The following MYT1L variants were observed in gnomAD, a reference collection of about 807,000 sequenced individuals.
The protein encoded by MYT1L is myelin transcription factor 1 like, also known as myelin transcription factor 1-like protein.
A neutral mutation model predicts 126.7 loss-of-function variants in MYT1L; 12 were observed. The ratio of observed to expected loss-of-function variants is 0.09; its 90% confidence interval spans 0.06 to 0.15. The LOEUF is 0.15. Ranked by LOEUF, MYT1L falls within the 10% of genes least tolerant of loss-of-function variation. The pLI is 1.00. For synonymous variants in MYT1L, 541 were observed against 604.2 expected, an observed-to-expected ratio of 0.90 and a Z score of 1.53; for missense variants, 979 against 1,585.2, an observed-to-expected ratio of 0.62 and a Z score of 6.49.
intron 4 of MYT1L, among the ~76,000 whole-genome samples, chr2:1,998,971 C>G (rs1263503225): frequency 6.6e-6 from 1 of 152,170 alleles, no homozygotes; most frequent in Non-Finnish European, 1.5e-5. Context: ...CAGACATGCT[C>G]TACATGTGAC....
chr2:1,979,432 C>T lies in MYT1L; in HGVS notation c.89+89G>A, dbSNP rs1219216923. On this transcript the variant is annotated intron_variant, in intron 7 of 24. Transcript: ENST00000647738. The surrounding 1 kb of genome is among the most constrained non-coding windows in gnomAD (Gnocchi z 4.0). ...GTGCAGCAGGGCGTGAGCAAGCTGC[C>T]GATGAGCTGGAAGGTGCAGTGTGCC... is the stretch of plus-strand genomic sequence containing the variant. 17 of 1,337,694 alleles carry T rather than the reference C, an allele frequency of 1.3e-5. No individual in the cohort carries two copies. The highest frequency in any genetic ancestry group is 4.3e-5 in the African/African-American group (3 of 69,132). The allele number at this position is 1,337,694 out of a possible 1,614,324, so 82.9% of individuals were successfully genotyped here. A position where few individuals can be genotyped will look rare whatever the true frequency, so the allele number is the denominator to read the frequency against.
intron 2 of MYT1L, among the ~76,000 whole-genome samples, chr2:2,198,524 C>T (rs2092922171): frequency 6.6e-6 from 1 of 152,138 alleles, no homozygotes; most frequent in East Asian, 1.9e-4. Flanking sequence ...ACACATCACA[C>T]TGTATTCCAT....
At chr2:2,071,364 T>G (rs377335822) in intron 3 of MYT1L, among the ~76,000 whole-genome samples, 1 of 152,218 alleles carries the variant, frequency 6.6e-6, no homozygotes. Flanking sequence ...AATATTTGTG[T>G]GTTCTACTAC....
At chr2:1,855,095 A>G (rs2043745804) in intron 18 of MYT1L, among the ~76,000 whole-genome samples, 1 of 152,202 alleles carries the variant, frequency 6.6e-6, no homozygotes, top group South Asian at 2.1e-4. Flanking sequence ...TTACTGTTCA[A>G]GAATTTAAGG....
At chr2:2,321,900 A>T (rs369724257) in intron 1 of MYT1L, among the ~76,000 whole-genome samples, 2 of 152,158 alleles carry the variant, frequency 1.3e-5, no homozygotes, top group African/African-American at 4.8e-5. Flanking sequence ...ATTGAGTCCT[A>T]AAGTTCTTTC....
intron 1 of MYT1L, among the ~76,000 whole-genome samples, chr2:2,322,434 A>T (rs138259846): frequency 1.5e-3 from 230 of 152,274 alleles, no homozygotes; most frequent in African/African-American, 5.1e-3. Flanking sequence ...TTCCCTTAGA[A>T]ATCACCTTTT....
intron 3 of MYT1L, among the ~76,000 whole-genome samples, chr2:2,124,277 T>G (rs1424205608): frequency 1.1e-4 from 16 of 152,186 alleles, no homozygotes. Flanking sequence ...TAGGCGAATA[T>G]TACAATAAAA....
Position 1,943,281 on chromosome 2 carries a change from TG to T in MYT1L, c.205del (p.Gln69ArgfsTer12). On this transcript the variant is annotated frameshift_variant, in exon 9 of 25. Transcript: ENST00000647738. LOFTEE classifies it high-confidence loss of function. This position sits in a 1 kb window ranked among gnomAD's most constrained non-coding sequence, Gnocchi z 4.4. ...KKRKTQDKQP[Q>X]EPAPKRKPFA... Reference sequence around the variant, plus strand: ...TGGCTTTCGTTTAGGAGCAGGTTCCTGGGGCTGTTTATCTTGTGTTTTTCTT... The same window carrying T: ...TGGCTTTCGTTTAGGAGCAGGTTCCTGGGCTGTTTATCTTGTGTTTTTCTT... 6.4e-7 allele frequency: 1 copy of T among 1,566,848 alleles called. No individual in the cohort carries two copies. Among genetic ancestry groups the T allele is most frequent in the Admixed American group, 1.9e-5 (1 of 52,624 alleles).
rs554836222 is a variant in MYT1L, at chr2:1,929,081, G to A, written c.506-5818C>T. On this transcript the variant is annotated intron_variant, in intron 9 of 24. Coordinates refer to ENST00000647738, the MANE Select transcript of MYT1L (RefSeq NM_001303052.2). This position sits in a 1 kb window ranked among gnomAD's most constrained non-coding sequence, Gnocchi z 4.7. ...GCTACTCCCCTGGCCAGGACCAGGC[G>A]GAGAAGCGTGAGTTCATTTCCCTCT... 2.6e-5 allele frequency among the ~76,000 whole-genome samples: 4 copies of A among 152,116 alleles called. No individual in the cohort carries two copies. The highest frequency in any genetic ancestry group is 5.9e-5 in the Non-Finnish European group (4 of 68,010).
At chr2:1,891,878 G>GTTGT (rs2048925386) in intron 15 of MYT1L, among the ~76,000 whole-genome samples, 159 bp downstream of exon 15, 1 of 152,154 alleles carries the variant, frequency 6.6e-6, no homozygotes, top group African/African-American at 2.4e-5. Flanking sequence ...CTGCGTTAAG[G>GTTGT]GAAGCTGCAC....
At chr2:1,933,036 G>A (rs1310705828) in intron 9 of MYT1L, among the ~76,000 whole-genome samples, 1 of 152,058 alleles carries the variant, frequency 6.6e-6, no homozygotes, top group Non-Finnish European at 1.5e-5. Context: ...GCTCACGGAG[G>A]ACCTCTGAGT....
chr2:2,090,533 C>T (rs532412575), intron 3 of MYT1L, among the ~76,000 whole-genome samples: 5 of 152,282 alleles, frequency 3.3e-5, no homozygotes, highest in East Asian at 1.9e-4. Context: ...GCCTCAATGT[C>T]GATGGCTGCT....
At chr2:1,851,820 G>A in intron 18 of MYT1L, 117 bp from the exon 19 acceptor site, 1 of 973,338 alleles carries the variant, frequency 1.0e-6, no homozygotes, top group Non-Finnish European at 1.6e-6. Flanking sequence ...CTACTTGAAA[G>A]AGGCTGAGTG....
chr2:1,939,397 T>A (rs1431402302), intron 9 of MYT1L, among the ~76,000 whole-genome samples: 1 of 152,102 alleles, frequency 6.6e-6, no homozygotes, highest in Non-Finnish European at 1.5e-5. Context: ...ACCCCCCAGC[T>A]TTTAGGGAGT....
intron 4 of MYT1L, among the ~76,000 whole-genome samples, chr2:2,042,599 T>C (rs1323335920): frequency 6.6e-6 from 1 of 152,152 alleles, no homozygotes; most frequent in Non-Finnish European, 1.5e-5. Context: ...TTTCTTGTTA[T>C]GTTGTTATCA....
intron 2 of MYT1L, among the ~76,000 whole-genome samples, chr2:2,214,271 ATCT>A (rs2093615498): frequency 6.6e-6 from 1 of 151,218 alleles, no homozygotes; most frequent in Non-Finnish European, 1.5e-5. Context: ...CTATCTATCT[ATCT>A]ATCTATCTAT....
chr2:2,158,650 C>T (rs1037846355), intron 3 of MYT1L, among the ~76,000 whole-genome samples: 8 of 149,598 alleles, frequency 5.3e-5, no homozygotes, highest in East Asian at 3.9e-4. Context: ...CACACACACG[C>T]GTAGGTGGAC....
intron 2 of MYT1L, among the ~76,000 whole-genome samples, chr2:2,183,191 C>T (rs776194658): frequency 1.2e-4 from 19 of 152,134 alleles, no homozygotes; most frequent in Admixed American, 5.2e-4. Context: ...CAGGACCCAG[C>T]GAACCTCCTG....
In MYT1L at chr2:1,912,524, C is replaced by T. The variant is rs2052182360; in HGVS notation, c.1619-414G>A. Among the ~76,000 whole-genome samples, 1 of 152,120 alleles carries T rather than the reference C, an allele frequency of 6.6e-6. No homozygotes were observed. Among genetic ancestry groups the T allele is most frequent in the East Asian group, 1.9e-4 (1 of 5,182 alleles). ...TGCACAAGCATGGAGTATTGATTAG[C>T]CATAGAACAACACAGAGGCTGGGGA... On this transcript the variant is annotated intron_variant, in intron 11 of 24. Transcript: ENST00000647738. This position sits in a 1 kb window ranked among gnomAD's most constrained non-coding sequence, Gnocchi z 4.3.
Sources: allele counts gnomAD v4.1 joint callset (sites outside exome capture counted in the v4.1 genomes callset), GRCh38; gene constraint gnomAD v4.1.1; non-coding constraint Gnocchi (gnomAD v3.1); transcripts MANE v1.5; gene names NCBI Gene and HGNC (gene_info 2026-07-23, HGNC 2026-07-21).